The following ABCC8 variants were observed in gnomAD, a reference collection of about 807,000 sequenced individuals.
ABCC8 encodes ATP binding cassette subfamily C member 8, also known as ATP-binding cassette sub-family C member 8.
A neutral mutation model predicts 188.0 loss-of-function variants in ABCC8; 137 were observed. The observed-to-expected ratio is 0.73, with a 90% CI of 0.63 to 0.84. The LOEUF (loss-of-function observed/expected upper bound fraction) is 0.84, where lower values mean the gene tolerates loss of function less well. Ranked by LOEUF, ABCC8 falls within the 40% of genes least tolerant of loss-of-function variation. ABCC8 has a pLI of 0.00. For missense variants in ABCC8, 1,750 were observed against 2,072.7 expected, an observed-to-expected ratio of 0.84 and a Z score of 3.02; for synonymous variants, 797 against 846.5, an observed-to-expected ratio of 0.94 and a Z score of 1.01.
At chr11:17,450,324 TTCTCTC>T (rs576893666) in intron 7 of ABCC8, among the ~76,000 whole-genome samples, 9 of 75,710 alleles carry the variant, frequency 1.2e-4, no homozygotes, top group Non-Finnish European at 1.8e-4. Flanking sequence ...CTTTCTTTCT[TTCTCTC>T]TCTCTCTTTC....
chr11:17,464,571 G>T (rs894065797), intron 3 of ABCC8, among the ~76,000 whole-genome samples: 1 of 152,246 alleles, frequency 6.6e-6, no homozygotes, highest in Admixed American at 6.5e-5. Context: ...ATTTAGTGCA[G>T]TGAGCCTCAC....
chr11:17,434,186 G>A (rs1485897975), intron 10 of ABCC8, among the ~76,000 whole-genome samples: 1 of 152,120 alleles, frequency 6.6e-6, no homozygotes, highest in Non-Finnish European at 1.5e-5. Context: ...GCTCCTCCTG[G>A]CCCATCCCCA....
chr11:17,406,078 A>G (rs1008529534), intron 26 of ABCC8, among the ~76,000 whole-genome samples: 1 of 152,278 alleles, frequency 6.6e-6, no homozygotes, highest in African/African-American at 2.4e-5. Context: ...TCTAGCCTCG[A>G]CAAGGGGCCA....
chr11:17,399,925 C>T (rs963504267), intron 29 of ABCC8, among the ~76,000 whole-genome samples: 3 of 152,192 alleles, frequency 2.0e-5, no homozygotes, highest in Non-Finnish European at 2.9e-5. Context: ...CCTGGGCTGC[C>T]GTCATCACTC....
chr11:17,453,291 A>G lies in ABCC8; in HGVS notation c.1012-8T>C, dbSNP rs753798141. ...AACCCCGAGAAATTGTGTCTGTTGG[A>G]AAGAGAAGTTCAGAGGTGACTGTCA... On this transcript the variant is annotated splice_region_variant and splice_polypyrimidine_tract_variant and intron_variant, in intron 6 of 38. Transcript: ENST00000389817. 1 of 1,614,038 alleles carries G rather than the reference A, an allele frequency of 6.2e-7. No individual in the cohort carries two copies. Among genetic ancestry groups the G allele is most frequent in the Non-Finnish European group, 8.5e-7 (1 of 1,179,988 alleles).
chr11:17,476,068 T>G (rs1455394905), intron 1 of ABCC8, among the ~76,000 whole-genome samples: 1 of 152,132 alleles, frequency 6.6e-6, no homozygotes, highest in Non-Finnish European at 1.5e-5. Context: ...GGAATCCAAG[T>G]CCCTAGCTCT....
intron 10 of ABCC8, among the ~76,000 whole-genome samples, chr11:17,436,447 A>G (rs1367935910): frequency 6.6e-6 from 1 of 152,132 alleles, no homozygotes; most frequent in Non-Finnish European, 1.5e-5. Flanking sequence ...AAAGTTCTAT[A>G]AGGTTCCAAG....
intron 20 of ABCC8, 89 bp from the exon 21 acceptor site, chr11:17,412,835 G>A (rs566729678): frequency 6.5e-7 from 1 of 1,550,224 alleles, no homozygotes; most frequent in East Asian, 2.4e-5. Context: ...TCTTTGGGAT[G>A]GAGGCCTGGC....
intron 3 of ABCC8, among the ~76,000 whole-genome samples, chr11:17,465,206 T>TC (rs886216232): frequency 6.6e-6 from 1 of 152,080 alleles, no homozygotes; most frequent in Non-Finnish European, 1.5e-5. Context: ...CTGAAGGCTG[T>TC]CCCCCTGCCT....
chr11:17,417,129 C>T (rs1377528676), intron 16 of ABCC8, 167 bp from the exon 17 acceptor site: 2 of 923,420 alleles, frequency 2.2e-6, no homozygotes, highest in Middle Eastern at 5.5e-4. Context: ...TTCTCAATCT[C>T]TGTCCCTCCC....
intron 22 of ABCC8, 76 bp downstream of exon 22, chr11:17,410,440 G>C: frequency 1.3e-6 from 2 of 1,515,618 alleles, no homozygotes; most frequent in Non-Finnish European, 1.8e-6. Context: ...CAAGACAACG[G>C]ATTGGTTCCT....
Position 17,463,711 on chromosome 11 carries a change from T to C in ABCC8, c.413-107A>G, listed in dbSNP as rs1398995311. ...GAGAAGGAGACAGAATAAGCGTGCC[T>C]GGGTGTGTACATTTCCGAGTAAGTG... On this transcript the variant is annotated intron_variant, in intron 3 of 38. Coordinates refer to ENST00000389817, the MANE Select transcript of ABCC8 (RefSeq NM_000352.6). 15 of 1,447,592 alleles carry C rather than the reference T, an allele frequency of 1.0e-5. No homozygotes were observed. In the Admixed American group the frequency reaches 2.4e-4, roughly 23 times the overall value. 89.7% of individuals were successfully genotyped at this position (1,447,592 alleles called of 1,614,324 possible). A position where few individuals can be genotyped will look rare whatever the true frequency, so the allele number is the denominator to read the frequency against.
intron 7 of ABCC8, among the ~76,000 whole-genome samples, chr11:17,451,869 T>C (rs1285080138): frequency 6.6e-6 from 1 of 152,234 alleles, no homozygotes; most frequent in Non-Finnish European, 1.5e-5. Context: ...AATCAGGTAT[T>C]ACCATTTTAA....
chr11:17,463,424 G>C lies in ABCC8; in HGVS notation c.579+14C>G, dbSNP rs2301703. The C allele has an allele frequency of 6.3e-7, 1 of 1,592,150 alleles. No individual in the cohort carries two copies. The highest frequency in any genetic ancestry group is 8.6e-7 in the Non-Finnish European group (1 of 1,168,440). ...CTGCTTCCCACCCCACCCTGGCCCA[G>C]GTGGCCTGCTTACCCTCACCCTGAT... On this transcript the variant is annotated intron_variant, in intron 4 of 38. Coordinates refer to ENST00000389817, the MANE Select transcript of ABCC8 (RefSeq NM_000352.6).
At chr11:17,455,398 T>A (rs2133651771) in intron 6 of ABCC8, among the ~76,000 whole-genome samples, 1 of 152,316 alleles carries the variant, frequency 6.6e-6, no homozygotes, top group Non-Finnish European at 1.5e-5. Flanking sequence ...TCGGTATTTG[T>A]GCATTTTTAA....
intron 3 of ABCC8, among the ~76,000 whole-genome samples, chr11:17,464,066 T>C (rs1388546995): frequency 6.6e-6 from 1 of 152,196 alleles, no homozygotes. Context: ...CACACACCCA[T>C]TAACTGGCAG....
chr11:17,442,641 C>T, intron 10 of ABCC8, 79 bp downstream of exon 10: 2 of 1,433,012 alleles, frequency 1.4e-6, no homozygotes, highest in South Asian at 1.1e-5. Context: ...TCCCTGCACC[C>T]CCTCTTACCC....
rs773212807 is a variant in ABCC8, at chr11:17,432,210, G to T, written c.1665C>A (p.Val555=). 6.4e-7 allele frequency: 1 copy of T among 1,552,990 alleles called. No homozygotes were observed. Among genetic ancestry groups the T allele is most frequent in the Non-Finnish European group, 8.7e-7 (1 of 1,147,534 alleles). Residue 555 remains valine, a synonymous_variant, in exon 11 of 39, where the codon GTC becomes GTA. Coordinates refer to ENST00000389817, the MANE Select transcript of ABCC8 (RefSeq NM_000352.6). ...FMNTAIPIAA[V]LITFVGHVSF... Reference sequence around the variant, plus strand: ...GGAGAAAGGATCCACTTACTATGAGGACAGCTGCAATGGGGATGGCCGTGT... The same window carrying T: ...GGAGAAAGGATCCACTTACTATGAGTACAGCTGCAATGGGGATGGCCGTGT...
rs770885475 is a variant in ABCC8, at chr11:17,442,729, A to T, written c.1621T>A (p.Ser541Thr). Residue 541 changes from serine (S) to threonine (T), a missense_variant, in exon 10 of 39, where the codon TCC becomes ACC. Physicochemically the swap from Ser to Thr is moderately conservative, Grantham distance 58 (BLOSUM62 1). Transcript: ENST00000389817. ...TSLRAFAIYT[S>T]ISIFMNTAIP... The stretch of plus-strand genomic sequence containing the variant: ...TGTGGGGTGAACTCACTGGAGATGG[A>T]GGTATAGATGGCAAAGGCCCTGAGG... The T allele has an allele frequency of 6.2e-7, 1 of 1,613,406 alleles. No individual in the cohort carries two copies. Among genetic ancestry groups the T allele is most frequent in the South Asian group, 1.1e-5 (1 of 91,024 alleles).
Sources: gnomAD v4.1 joint callset for allele counts (sites outside exome capture counted in the v4.1 genomes callset) on GRCh38, gnomAD v4.1.1 for gene constraint, MANE v1.5 for transcripts, NCBI Gene and HGNC (gene_info 2026-07-23, HGNC 2026-07-21) for gene names.